Variants in PCLO observed in about 807,000 individuals in gnomAD.
PCLO encodes piccolo presynaptic cytomatrix protein, also known as protein piccolo.
In PCLO, 82 loss-of-function variants were observed where a neutral mutation model predicts 427.5. That is an observed-to-expected ratio of 0.19 (90% CI 0.16 to 0.23). The LOEUF (loss-of-function observed/expected upper bound fraction) is 0.23, where lower values mean the gene tolerates loss of function less well. Among genes scored for constraint, PCLO ranks in the 10% least tolerant of loss-of-function variants. The pLI is 1.00. For synonymous variants in PCLO, 2,357 were observed against 2,155.4 expected (o/e 1.09, Z -2.59); for missense variants, 6,239 against 6,115.9 (o/e 1.02, Z -0.67).
intron 6 of PCLO, among the ~76,000 whole-genome samples, chr7:82,947,963 C>T (rs942876937): frequency 1.3e-5 from 2 of 151,918 alleles, no homozygotes; most frequent in African/African-American, 4.8e-5. Flanking sequence ...GTCAATATTC[C>T]ACCTGGAAAG....
At chr7:83,113,622 T>C (rs1791059735) in intron 3 of PCLO, among the ~76,000 whole-genome samples, 1 of 152,180 alleles carries the variant, frequency 6.6e-6, no homozygotes, top group African/African-American at 2.4e-5. Context: ...ATAGGATTAA[T>C]TCACTCATGC....
intron 6 of PCLO, among the ~76,000 whole-genome samples, chr7:82,941,546 G>T (rs371706191): frequency 6.6e-6 from 1 of 152,074 alleles, no homozygotes; most frequent in East Asian, 1.9e-4. Flanking sequence ...TGAAATAAAA[G>T]AAACATAATG....
intron 4 of PCLO, among the ~76,000 whole-genome samples, chr7:82,960,775 A>G (rs1176076280): frequency 1.3e-5 from 2 of 152,222 alleles, no homozygotes; most frequent in Admixed American, 6.5e-5. Context: ...TATGAACGAC[A>G]CAAATGACAG....
At chr7:82,889,299 C>T (rs1793703305) in intron 9 of PCLO, among the ~76,000 whole-genome samples, 1 of 152,024 alleles carries the variant, frequency 6.6e-6, no homozygotes, top group South Asian at 2.1e-4. Flanking sequence ...CGCCATAACC[C>T]CAGGACAGGC....
intron 10 of PCLO, among the ~76,000 whole-genome samples, chr7:82,849,425 G>C (rs141026799): frequency 6.6e-6 from 1 of 152,086 alleles, no homozygotes; most frequent in Non-Finnish European, 1.5e-5. Flanking sequence ...TTTCAGTGCT[G>C]TAGTTCAAAA....
intron 3 of PCLO, among the ~76,000 whole-genome samples, chr7:82,973,670 G>C (rs968174512): frequency 6.6e-6 from 1 of 151,164 alleles, no homozygotes; most frequent in African/African-American, 2.4e-5. Flanking sequence ...AAGTCTCTTT[G>C]TTTCCCTCAT....
chr7:83,020,623 T>C (rs1788320224), intron 3 of PCLO, among the ~76,000 whole-genome samples: 1 of 152,176 alleles, frequency 6.6e-6, no homozygotes, highest in South Asian at 2.1e-4. Flanking sequence ...GCCTTGATCT[T>C]GGACTTTCAA....
rs777691392 is a variant in PCLO at position 83,134,707 on chromosome 7, G to C, written c.2843C>G (p.Thr948Ser). Residue 948 changes from threonine (T) to serine (S), a missense_variant, in exon 3 of 25, where the codon ACT becomes AGT. By Grantham distance (58) the Thr-to-Ser change is moderately conservative. Transcript: ENST00000333891. The part of the protein sequence containing the change: ...IFSQASNLIS[T>S]AGQPGPHSQS... Reference sequence around the variant, plus strand: ...TGAATGAGGTCCAGGTTGGCCTGCAGTGGAAATTAAATTTGATGCCTGGCT... The same window carrying C: ...TGAATGAGGTCCAGGTTGGCCTGCACTGGAAATTAAATTTGATGCCTGGCT... The C allele has an allele frequency of 4.3e-6, 7 of 1,613,802 alleles. No homozygotes were observed. In the South Asian group the frequency reaches 7.7e-5, roughly 18 times the overall value.
intron 9 of PCLO, among the ~76,000 whole-genome samples, chr7:82,901,506 T>TAGGC (rs1794038558): frequency 6.6e-6 from 1 of 152,016 alleles, no homozygotes; most frequent in Non-Finnish European, 1.5e-5. Context: ...ATTCAGGACA[T>TAGGC]AGGCATGGGC....
At chr7:83,005,911 A>AT (rs1460644711) in intron 3 of PCLO, among the ~76,000 whole-genome samples, 1 of 151,662 alleles carries the variant, frequency 6.6e-6, no homozygotes, top group Non-Finnish European at 1.5e-5. Context: ...TTCATTTGTA[A>AT]TTTGGAGCAA....
chr7:83,038,142 C>G (rs1240958700), intron 3 of PCLO, among the ~76,000 whole-genome samples: 2 of 125,072 alleles, frequency 1.6e-5, no homozygotes, highest in African/African-American at 6.2e-5. Flanking sequence ...TACACACACT[C>G]ATATATACAC....
At position 82,953,155 on chromosome 7, in the gene PCLO, C is replaced by G; in HGVS notation, c.7798G>C (p.Ala2600Pro). Residue 2600 changes from alanine (A) to proline (P), a missense_variant, in exon 5 of 25, where the codon GCA becomes CCA. Physicochemically the swap from Ala to Pro is conservative, Grantham distance 27 (BLOSUM62 -1). Transcript: ENST00000333891. Reference sequence around the variant, plus strand: ...GATCCCAAGGGCCAACTGGTAATTGCTTGACTAGCAGAAGAATCTGTTGGA... The same window carrying G: ...GATCCCAAGGGCCAACTGGTAATTGGTTGACTAGCAGAAGAATCTGTTGGA... ...GTPTDSSASQ[A>P]ITSWPLGSPS... is the part of the protein sequence containing the mutation. 1 of 1,613,966 alleles carries G rather than the reference C, an allele frequency of 6.2e-7. No individual in the cohort carries two copies. The highest frequency in any genetic ancestry group is 8.5e-7 in the Non-Finnish European group (1 of 1,179,884).
intron 6 of PCLO, among the ~76,000 whole-genome samples, chr7:82,918,255 T>C (rs571569821): frequency 6.6e-6 from 1 of 152,104 alleles, no homozygotes; most frequent in African/African-American, 2.4e-5. Flanking sequence ...CTACTCATTC[T>C]CAATTCTTTT....
At chr7:82,898,943 A>C (rs1793971093) in intron 9 of PCLO, among the ~76,000 whole-genome samples, 1 of 151,382 alleles carries the variant, frequency 6.6e-6, no homozygotes, top group Non-Finnish European at 1.5e-5. Flanking sequence ...TTGATCTGTA[A>C]ATATTTTAGT....
At chr7:82,895,534 ATTGGGTCT>A (rs1372681952) in intron 9 of PCLO, among the ~76,000 whole-genome samples, 1 of 151,834 alleles carries the variant, frequency 6.6e-6, no homozygotes, top group African/African-American at 2.4e-5. Flanking sequence ...AAAAGCAAAA[ATTGGGTCT>A]TTGAAAAGAT....
intron 22 of PCLO, among the ~76,000 whole-genome samples, chr7:82,796,520 A>G (rs1180117382): frequency 6.6e-6 from 1 of 151,928 alleles, no homozygotes; most frequent in African/African-American, 2.4e-5. Context: ...TCAACTTTCA[A>G]AGCAGTCACT....
chr7:83,047,368 T>C (rs755639126), intron 3 of PCLO, among the ~76,000 whole-genome samples: 30 of 151,980 alleles, frequency 2.0e-4, no homozygotes, highest in Non-Finnish European at 2.8e-4. Context: ...CACACATAGT[T>C]TATACCTTAA....
intron 3 of PCLO, among the ~76,000 whole-genome samples, chr7:83,084,848 C>T (rs1177027867): frequency 6.6e-6 from 1 of 152,124 alleles, no homozygotes; most frequent in Non-Finnish European, 1.5e-5. Flanking sequence ...CCTGTAATTC[C>T]ACTTGGGTTG....
At chr7:82,808,135 TA>T (rs1791493891) in intron 20 of PCLO, among the ~76,000 whole-genome samples, 2 of 151,966 alleles carry the variant, frequency 1.3e-5, no homozygotes, top group Admixed American at 6.6e-5. Flanking sequence ...TGGGATTCTA[TA>T]ATCCAATTCA....
Sources: gnomAD v4.1 joint callset for allele counts (sites outside exome capture counted in the v4.1 genomes callset) on GRCh38, gnomAD v4.1.1 for gene constraint, MANE v1.5 for transcripts, NCBI Gene and HGNC (gene_info 2026-07-23, HGNC 2026-07-21) for gene names.